IL1RAPL1: variants seen among roughly 807,000 people sequenced by gnomAD.
The protein encoded by IL1RAPL1 is interleukin 1 receptor accessory protein like 1.
Under a neutral mutation model 48.4 loss-of-function variants are expected in IL1RAPL1, and 3 were observed. That is an observed-to-expected ratio of 0.06 (90% CI 0.03 to 0.16). The LOEUF is 0.16. Among genes scored for constraint, IL1RAPL1 ranks in the 10% least tolerant of loss-of-function variants. The pLI is 1.00. For missense variants in IL1RAPL1, 349 were observed against 530.6 expected (o/e 0.66, Z 3.36); for synonymous variants, 185 against 187.7 (o/e 0.99, Z 0.12).
chrX:29,108,664 G>T (rs1928497658), intron 2 of IL1RAPL1, among the ~76,000 whole-genome samples: 1 of 111,165 alleles, frequency 9.0e-6, no homozygotes, highest in African/African-American at 3.3e-5. Flanking sequence ...GCCTCCCAAA[G>T]TGCTGGGATT....
At chrX:29,332,680 G>A (rs1329125599) in intron 3 of IL1RAPL1, among the ~76,000 whole-genome samples, 3 of 101,372 alleles carry the variant, frequency 3.0e-5, no homozygotes, top group African/African-American at 1.1e-4. Flanking sequence ...GATCATTCTT[G>A]GGTGTTTCTC....
chrX:29,271,150 T>G (rs1413048861), intron 2 of IL1RAPL1, among the ~76,000 whole-genome samples: 1 of 111,682 alleles, frequency 9.0e-6, no homozygotes, highest in Non-Finnish European at 1.9e-5. Context: ...TTGCTTAGGA[T>G]GATGACCTCC....
At chrX:28,733,946 A>T (rs1260971033) in intron 1 of IL1RAPL1, among the ~76,000 whole-genome samples, 1 of 111,551 alleles carries the variant, frequency 9.0e-6, no homozygotes, top group Non-Finnish European at 1.9e-5. Flanking sequence ...ACAAACACCC[A>T]TTCCCATATC....
chrX:29,244,092 T>A (rs763518834), intron 2 of IL1RAPL1, among the ~76,000 whole-genome samples: 91 of 112,144 alleles, frequency 8.1e-4, no homozygotes, highest in Non-Finnish European at 1.4e-3. Flanking sequence ...ATGTATTATA[T>A]TCAGATGCAG....
At chrX:29,301,150 C>G (rs1363845141) in intron 3 of IL1RAPL1, among the ~76,000 whole-genome samples, 1 of 111,766 alleles carries the variant, frequency 8.9e-6, no homozygotes, top group Non-Finnish European at 1.9e-5. Flanking sequence ...GTTTGTGGCT[C>G]TCCTGGTCTG....
chrX:29,080,999 TCTCTCTCTCTCTCTCTCTCTC>T (rs1927813022), intron 2 of IL1RAPL1, among the ~76,000 whole-genome samples: 1 of 61,647 alleles, frequency 1.6e-5, no homozygotes, highest in African/African-American at 7.2e-5. Context: ...TTTCTTTCTC[TCTCTCTCTCTCTCTCTCTCTC>T]TTTCTTTTCT....
intron 2 of IL1RAPL1, among the ~76,000 whole-genome samples, chrX:29,159,188 G>T (rs1244220475): frequency 9.1e-6 from 1 of 109,879 alleles, no homozygotes; most frequent in Non-Finnish European, 1.9e-5. Context: ...AATGTTTATA[G>T]AATGCCATTT....
chrX:29,300,725 T>G (rs1461344503), intron 3 of IL1RAPL1, among the ~76,000 whole-genome samples: 1 of 112,152 alleles, frequency 8.9e-6, no homozygotes, highest in African/African-American at 3.2e-5. Flanking sequence ...AAAAATGTTG[T>G]TCTAGTTTCT....
intron 1 of IL1RAPL1, among the ~76,000 whole-genome samples, chrX:28,634,325 ATGTG>A (rs756591652): frequency 2.4e-4 from 26 of 106,592 alleles, no homozygotes; most frequent in Admixed American, 2.0e-3. Flanking sequence ...TTATATATAT[ATGTG>A]TGTGTGTGTG....
chrX:29,490,525 C>T (rs573280947), intron 5 of IL1RAPL1, among the ~76,000 whole-genome samples: 13 of 110,608 alleles, frequency 1.2e-4, no homozygotes, highest in South Asian at 3.8e-4. Flanking sequence ...AGAGGGAGAC[C>T]GTCTCAAAAA....
intron 6 of IL1RAPL1, among the ~76,000 whole-genome samples, chrX:29,681,764 T>C (rs149948395): frequency 0.022 from 2,424 of 112,053 alleles, 64 homozygotes; most frequent in African/African-American, 0.075. Context: ...ATCATTCCTA[T>C]GTATTGTCAT....
chrX:29,207,901 C>T (rs1036622407), intron 2 of IL1RAPL1, among the ~76,000 whole-genome samples: 5 of 111,598 alleles, frequency 4.5e-5, no homozygotes, highest in South Asian at 3.7e-4. Context: ...AGCTTAAGAA[C>T]GTAAAACTTG....
intron 1 of IL1RAPL1, among the ~76,000 whole-genome samples, chrX:28,757,072 A>G (rs965896941): frequency 4.4e-5 from 5 of 112,640 alleles, no homozygotes; most frequent in Non-Finnish European, 9.4e-5. Context: ...TAATGTTGCT[A>G]TATTAATCAC....
At chrX:29,123,591 T>C (rs890447416) in intron 2 of IL1RAPL1, among the ~76,000 whole-genome samples, 2 of 112,095 alleles carry the variant, frequency 1.8e-5, no homozygotes, top group Non-Finnish European at 3.8e-5. Flanking sequence ...GCTATGTCAT[T>C]ATAGCATGAT....
intron 6 of IL1RAPL1, among the ~76,000 whole-genome samples, chrX:29,802,769 A>ATATG (rs1380261144): frequency 1.8e-4 from 5 of 27,637 alleles, no homozygotes; most frequent in African/African-American, 4.5e-4. Flanking sequence ...ATATATATAT[A>ATATG]TATATATATA....
At chrX:29,394,742 C>T (rs1297634838) in intron 3 of IL1RAPL1, among the ~76,000 whole-genome samples, 1 of 111,481 alleles carries the variant, frequency 9.0e-6, no homozygotes, top group African/African-American at 3.3e-5. Context: ...TGAACACACA[C>T]GCTCAGGACT....
chrX:28,677,174 A>T (rs1935008170), intron 1 of IL1RAPL1, among the ~76,000 whole-genome samples: 1 of 110,075 alleles, frequency 9.1e-6, no homozygotes, highest in African/African-American at 3.4e-5. Flanking sequence ...TCCAAAATAG[A>T]CAGTTTTATT....
intron 2 of IL1RAPL1, among the ~76,000 whole-genome samples, chrX:28,825,463 A>C (rs1936983701): frequency 9.0e-6 from 1 of 111,422 alleles, no homozygotes; most frequent in South Asian, 3.7e-4. Context: ...TTGAATATCT[A>C]TGCAGATTTT....
At chrX:29,583,072 T>G (rs1923031615) in intron 5 of IL1RAPL1, among the ~76,000 whole-genome samples, 1 of 105,409 alleles carries the variant, frequency 9.5e-6, no homozygotes, top group African/African-American at 3.6e-5. Context: ...CCTGACTTTT[T>G]AATGATTGCC....
Sources: gnomAD v4.1 joint callset for allele counts (sites outside exome capture counted in the v4.1 genomes callset) on GRCh38, gnomAD v4.1.1 for gene constraint, MANE v1.5 for transcripts, NCBI Gene and HGNC (gene_info 2026-07-23, HGNC 2026-07-21) for gene names.